NRXN3: variants seen among roughly 807,000 people sequenced by gnomAD.
The protein encoded by NRXN3 is neurexin III.
In NRXN3, 32 loss-of-function variants were observed where a neutral mutation model predicts 137.6. The observed-to-expected ratio is 0.23, with a 90% CI of 0.18 to 0.31. The LOEUF is 0.31. Ranked by LOEUF, NRXN3 falls within the 10% of genes least tolerant of loss-of-function variation. The pLI is 1.00. For missense variants in NRXN3, 1,574 were observed against 2,062.5 expected (o/e 0.76, Z 4.59); for synonymous variants, 798 against 784.5 (o/e 1.02, Z -0.29).
chr14:78,692,806 C>CAAGATTTATCCCT (rs1555440821), intron 6 of NRXN3, among the ~76,000 whole-genome samples: 1 of 152,030 alleles, frequency 6.6e-6, no homozygotes, highest in Non-Finnish European at 1.5e-5. Context: ...GCAGGCCAGG[C>CAAGATTTATCCCT]GCAGTGGCTC....
At chr14:79,483,642 C>T (rs1281133328) in intron 16 of NRXN3, among the ~76,000 whole-genome samples, 1 of 152,014 alleles carries the variant, frequency 6.6e-6, no homozygotes, top group Non-Finnish European at 1.5e-5. Flanking sequence ...ATAGTGACTC[C>T]CAAGGATGTA....
intron 15 of NRXN3, among the ~76,000 whole-genome samples, chr14:79,029,385 G>A (rs2099603692): frequency 6.6e-6 from 1 of 152,114 alleles, no homozygotes; most frequent in South Asian, 2.1e-4. Flanking sequence ...GTTGTAACTG[G>A]TAATTGCTCA....
intron 19 of NRXN3, among the ~76,000 whole-genome samples, chr14:79,776,944 G>T (rs2099099018): frequency 6.6e-6 from 1 of 152,164 alleles, no homozygotes; most frequent in African/African-American, 2.4e-5. Flanking sequence ...TGATAGTGGG[G>T]CTGATAGGCA....
intron 2 of NRXN3, among the ~76,000 whole-genome samples, chr14:78,255,193 C>G (rs1033323663): frequency 6.7e-6 from 1 of 149,570 alleles, no homozygotes; most frequent in African/African-American, 2.5e-5. Flanking sequence ...AAAAAAGGAA[C>G]CCGTCTCATC....
chr14:79,237,076 G>A (rs993922441), intron 15 of NRXN3, among the ~76,000 whole-genome samples: 8 of 148,960 alleles, frequency 5.4e-5, no homozygotes, highest in Admixed American at 5.3e-4. Context: ...GGTGTCACAA[G>A]GGTGTTTTTT....
intron 4 of NRXN3, among the ~76,000 whole-genome samples, chr14:78,420,389 G>T (rs2093391042): frequency 6.6e-6 from 1 of 152,124 alleles, no homozygotes; most frequent in African/African-American, 2.4e-5. Context: ...TGTGAAATAT[G>T]ATTATTAGTA....
At chr14:79,326,657 A>G (rs2090920195) in intron 15 of NRXN3, among the ~76,000 whole-genome samples, 1 of 152,190 alleles carries the variant, frequency 6.6e-6, no homozygotes, top group African/African-American at 2.4e-5. Context: ...TCTTTACTCT[A>G]GGTGCCCAGA....
chr14:79,503,507 CT>C (rs938666608), intron 16 of NRXN3, among the ~76,000 whole-genome samples: 1 of 151,888 alleles, frequency 6.6e-6, no homozygotes, highest in African/African-American at 2.4e-5. Flanking sequence ...CCAGAAATGC[CT>C]TTTTTTTCTG....
intron 10 of NRXN3, among the ~76,000 whole-genome samples, chr14:78,909,582 C>T (rs527296472): frequency 6.6e-6 from 1 of 152,178 alleles, no homozygotes; most frequent in South Asian, 2.1e-4. Flanking sequence ...CCTTGCCATC[C>T]TGATTTGACT....
In NRXN3 at chr14:78,438,558, C is replaced by G. The variant is rs566074255; in HGVS notation, c.757+140698C>G. Among the ~76,000 whole-genome samples, 4 of 152,242 alleles carry G rather than the reference C, an allele frequency of 2.6e-5. No homozygotes were observed. The South Asian group carries it at 8.3e-4, about 32-fold the overall frequency. On this transcript the variant is annotated intron_variant, in intron 4 of 20. Coordinates refer to ENST00000335750, the MANE Select transcript of NRXN3 (RefSeq NM_001330195.2). ...TGCCCAATCACACAGCTTTTGAAAA[C>G]ACTCTATCAGCCACTTAGCTGTACG...
chr14:79,679,617 A>C (rs1461139177), intron 17 of NRXN3, among the ~76,000 whole-genome samples: 3 of 152,100 alleles, frequency 2.0e-5, no homozygotes, highest in African/African-American at 7.2e-5. Flanking sequence ...TGTGTTAAGG[A>C]GGGAATTATA....
At chr14:79,429,801 C>T (rs1230997185) in intron 15 of NRXN3, among the ~76,000 whole-genome samples, 3 of 152,132 alleles carry the variant, frequency 2.0e-5, no homozygotes, top group Non-Finnish European at 4.4e-5. Context: ...TATCCTTCTA[C>T]AGAAGGACAG....
At chr14:79,177,803 C>G (rs998014090) in intron 15 of NRXN3, among the ~76,000 whole-genome samples, 1 of 152,064 alleles carries the variant, frequency 6.6e-6, no homozygotes, top group Non-Finnish European at 1.5e-5. Context: ...TGTTTGCTTT[C>G]GAGTTTGTGG....
chr14:78,490,277 G>T (rs538794994), intron 4 of NRXN3, among the ~76,000 whole-genome samples: 85 of 151,994 alleles, frequency 5.6e-4, no homozygotes, highest in Non-Finnish European at 9.7e-4. Flanking sequence ...AAACTTCTGG[G>T]TAAGGCTGTT....
intron 4 of NRXN3, among the ~76,000 whole-genome samples, chr14:78,416,995 A>G (rs35061087): frequency 0.21 from 31,518 of 152,156 alleles, 5,228 homozygotes; most frequent in African/African-American, 0.46. Context: ...GGCTTAAATT[A>G]TACCTTATCT....
intron 15 of NRXN3, among the ~76,000 whole-genome samples, chr14:79,349,545 TAC>T (rs71131694): frequency 0.18 from 24,842 of 137,346 alleles, 2,494 homozygotes; most frequent in East Asian, 0.4. Flanking sequence ...GAAAAAAAAA[TAC>T]ACACACACAC....
At chr14:78,334,908 G>T (rs2081277998) in intron 4 of NRXN3, among the ~76,000 whole-genome samples, 1 of 152,120 alleles carries the variant, frequency 6.6e-6, no homozygotes, top group Admixed American at 6.6e-5. Context: ...GGAAATTTTT[G>T]CCAACATTAT....
chr14:79,467,400 A>T lies in NRXN3; in HGVS notation c.3442A>T (p.Ile1148Leu). 1.2e-6 allele frequency: 2 copies of T among 1,603,780 alleles called. No individual in the cohort carries two copies. Among genetic ancestry groups the T allele is most frequent in the Non-Finnish European group, 1.7e-6 (2 of 1,171,658 alleles). ...PGLGDFLQLH[I>L]EQGKIGVVFN... Reference sequence around the variant, plus strand: ...ACTTGGTGACTTCCTCCAGCTTCACATAGTGAGTACAGGGCCTTGGCCTGG... The same window carrying T: ...ACTTGGTGACTTCCTCCAGCTTCACTTAGTGAGTACAGGGCCTTGGCCTGG... Residue 1148 changes from isoleucine to leucine, a missense_variant and splice_region_variant, in exon 16 of 21, where the codon ATA (isoleucine) becomes TTA (leucine). Physicochemically the swap from Ile to Leu is conservative, Grantham distance 5. Around this residue, in one of 5 missense-constraint regions of NRXN3, gnomAD observed 133 missense variants for 241.8 expected, o/e 0.55. Transcript: ENST00000335750.
chr14:78,331,159 A>G (rs1242459443), intron 4 of NRXN3, among the ~76,000 whole-genome samples: 1 of 152,192 alleles, frequency 6.6e-6, no homozygotes, highest in African/African-American at 2.4e-5. Flanking sequence ...ACCAAAATAT[A>G]TGAGTTGACT....
Sources: allele counts gnomAD v4.1 joint callset (sites outside exome capture counted in the v4.1 genomes callset), GRCh38; gene constraint gnomAD v4.1.1; regional missense constraint gnomAD v4.1.1; transcripts MANE v1.5; gene names NCBI Gene and HGNC (gene_info 2026-07-23, HGNC 2026-07-21).